Variants in SPON2 observed in about 807,000 individuals in gnomAD.
SPON2 encodes the protein spondin-2.
Under a neutral mutation model 29.9 loss-of-function variants are expected in SPON2, and 32 were observed. The ratio of observed to expected loss-of-function variants is 1.07; its 90% CI spans 0.81 to 1.44. The LOEUF is 1.44. Among genes scored for constraint, SPON2 ranks in the 40% most tolerant of loss-of-function variants. The pLI is 0.00. For synonymous variants in SPON2, 248 were observed against 209.1 expected, an observed-to-expected ratio of 1.19 and a Z score of -1.61; for missense variants, 541 against 455.5, an observed-to-expected ratio of 1.19 and a Z score of -1.71.
At chr4:1,199,663 C>G (rs1333283072), upstream of SPON2, 1 of 152,306 alleles carries the variant, frequency 6.6e-6, no homozygotes, top group Non-Finnish European at 1.5e-5. This position sits in a 1 kb window ranked among gnomAD's most constrained non-coding sequence, Gnocchi z 4.5. Flanking sequence ...GTGTGCTGCT[C>G]TGTCGCCACA....
chr4:1,189,554 T>C (rs988505756), intron 1 of SPON2, among the ~76,000 whole-genome samples: 1 of 137,926 alleles, frequency 7.3e-6, no homozygotes, highest in African/African-American at 2.7e-5. Context: ...CTGGGAGGCT[T>C]GAGCCCAGGA....
At position 1,167,178 on chromosome 4, in the gene SPON2, A is replaced by C. The variant is rs1364009150; in HGVS notation, c.*294T>G. 1 of 387,518 alleles carries C rather than the reference A, an allele frequency of 2.6e-6. No homozygotes were observed. The highest frequency in any genetic ancestry group is 4.5e-5 in the East Asian group (1 of 22,334). 24.0% of individuals were successfully genotyped at this position (387,518 alleles called of 1,614,324 possible). A position where few individuals can be genotyped will look rare whatever the true frequency, so the allele number is the denominator to read the frequency against. ...CAGCAATAACTTATAAGGAGACATA[A>C]TTTAGAGTAGCTGGAGCCTTGGGGA... On this transcript the variant is annotated 3_prime_UTR_variant, in exon 6 of 6. Coordinates refer to ENST00000290902, the MANE Select transcript of SPON2 (RefSeq NM_012445.4).
rs57891158 is a variant in SPON2, at chr4:1,168,044, AACAG to A, written c.812-392_812-389del. ...ACCCAGCTGCTACATTTACCCGAAT[AACAG>A]ACAGGGGCACCTGATTAGCTGTCTT... On this transcript the variant is annotated intron_variant, in intron 5 of 5. Coordinates refer to ENST00000290902, the MANE Select transcript of SPON2 (RefSeq NM_012445.4). 1,527 of 197,486 alleles carry A rather than the reference AACAG, an allele frequency of 7.7e-3. 22 individuals are homozygous for A. The highest frequency in any genetic ancestry group is 0.033 in the African/African-American group (1,428 of 43,344). 12.2% of individuals were successfully genotyped at this position (197,486 alleles called of 1,614,324 possible).
intron 1 of SPON2, among the ~76,000 whole-genome samples, chr4:1,207,473 A>T (rs556001904): frequency 1.3e-5 from 2 of 152,272 alleles, no homozygotes; most frequent in East Asian, 3.9e-4. Flanking sequence ...TAGCTGGTTT[A>T]AAAAAGAAAG....
At chr4:1,176,646 T>TTCACTAATTCAC (rs1727605603), upstream of SPON2, among the ~76,000 whole-genome samples, 1 of 152,144 alleles carries the variant, frequency 6.6e-6, no homozygotes, top group South Asian at 2.1e-4. Context: ...AGTACATTCA[T>TTCACTAATTCAC]TCACTAATTC....
At chr4:1,207,323 C>CCTGGCCCCGG (rs962015352) in intron 1 of SPON2, among the ~76,000 whole-genome samples, 31 of 152,246 alleles carry the variant, frequency 2.0e-4, no homozygotes, top group Admixed American at 9.8e-4. Context: ...TGTCCACAGC[C>CCTGGCCCCGG]CTGGCCCCGG....
intron 2 of SPON2, among the ~76,000 whole-genome samples, chr4:1,179,171 C>G (rs962548690): frequency 1.3e-5 from 2 of 151,384 alleles, no homozygotes; most frequent in African/African-American, 2.4e-5. Flanking sequence ...GAGTGGGGAC[C>G]TTGCCCGGCT....
At chr4:1,170,688 G>A in intron 4 of SPON2, 112 bp from the exon 5 acceptor site, 2 of 1,282,576 alleles carry the variant, frequency 1.6e-6, no homozygotes, top group Non-Finnish European at 2.2e-6. Context: ...CTGCACCACT[G>A]TTGGGGACAG....
chr4:1,178,397 G>A (rs1457774770), intron 2 of SPON2, among the ~76,000 whole-genome samples: 4 of 151,822 alleles, frequency 2.6e-5, no homozygotes, highest in Admixed American at 6.6e-5. Flanking sequence ...GGTTCTCCTG[G>A]CCCCCTCCCC....
intron 1 of SPON2, among the ~76,000 whole-genome samples, chr4:1,204,378 C>T (rs1039758359): frequency 3.9e-5 from 6 of 152,160 alleles, no homozygotes; most frequent in African/African-American, 1.2e-4. Context: ...GAATATTAGA[C>T]GGGCACTGAC....
intron 1 of SPON2, among the ~76,000 whole-genome samples, chr4:1,190,739 G>T (rs745675821): frequency 6.6e-6 from 1 of 152,166 alleles, no homozygotes; most frequent in Non-Finnish European, 1.5e-5. Flanking sequence ...AAAAACATTG[G>T]AGCTGAGAAA....
upstream of SPON2, among the ~76,000 whole-genome samples, chr4:1,197,983 G>C (rs562877468): frequency 4.4e-4 from 67 of 151,660 alleles, no homozygotes; most frequent in African/African-American, 1.5e-3. Context: ...GGGAGGTGGA[G>C]GCTGCAGTGA....
In SPON2 at chr4:1,171,842, C is replaced by T. The variant is rs1727462341; in HGVS notation, c.220+10G>A. On this transcript the variant is annotated intron_variant, in intron 2 of 5. Coordinates refer to ENST00000290902, the MANE Select transcript of SPON2 (RefSeq NM_012445.4). ...GGTGGAGCAGGAGGCGAGGAGGGGG[C>T]TGTACTTACCCAGCAGCGAAGACCA... 1 of 1,599,910 alleles carries T rather than the reference C, an allele frequency of 6.3e-7. No homozygotes were observed.
At chr4:1,170,742 G>A (rs1560201010) in intron 4 of SPON2, 166 bp from the exon 5 acceptor site, 1 of 1,041,126 alleles carries the variant, frequency 9.6e-7, no homozygotes, top group Admixed American at 2.0e-5. Flanking sequence ...ACACGGGCTG[G>A]AAACCGAGGC....
In SPON2 at chr4:1,170,466, C is replaced by T. The variant is rs375762203; in HGVS notation, c.747G>A (p.Arg249=). 2.5e-6 allele frequency: 4 copies of T among 1,614,000 alleles called. No homozygotes were observed. The African/African-American group carries it at 4.0e-5, about 16-fold the overall frequency. The part of the protein sequence containing the change: ...VTLVRLRQSP[R]AFIPPAPVLP... ...GGACTGGGGCGGGAGGGATGAAGGC[C>T]CTGGGGCTCTGTCGCAGCCGCACCA... Residue 249 remains arginine (R), a synonymous_variant, in exon 5 of 6, where the codon AGG becomes AGA. Coordinates refer to ENST00000290902, the MANE Select transcript of SPON2 (RefSeq NM_012445.4).
Position 1,183,250 on chromosome 4 carries a change from A to AC in SPON2, c.-238-3710_-238-3709insG, listed in dbSNP as rs572719762. On this transcript the variant is annotated intron_variant, in intron 1 of 3. Transcript: ENST00000502483. ...AGAGTGAAACTCCATCAAAAAAAAA[A>AC]AAAAACAAAAAAGAAAGAGAGAGAA... 3.9e-4 allele frequency among the ~76,000 whole-genome samples: 59 copies of AC among 151,190 alleles called. No individual in the cohort carries two copies. In the South Asian group the frequency reaches 5.4e-3, roughly 14 times the overall value.
At chr4:1,204,044 G>C (rs1462032600) in intron 1 of SPON2, among the ~76,000 whole-genome samples, 3 of 152,030 alleles carry the variant, frequency 2.0e-5, no homozygotes, top group Non-Finnish European at 2.9e-5. Flanking sequence ...GCTAATTGTT[G>C]TATTTTTAGT....
chr4:1,177,625 A>G (rs960068151), upstream of SPON2, among the ~76,000 whole-genome samples: 11 of 152,138 alleles, frequency 7.2e-5, no homozygotes, highest in African/African-American at 2.7e-4. Flanking sequence ...AGAACCCAAG[A>G]TCCCTTCAGG....
At position 1,170,388 on chromosome 4, in the gene SPON2, T is replaced by C. The variant is rs1727384759; in HGVS notation, c.811+14A>G. 4.4e-6 allele frequency: 7 copies of C among 1,608,964 alleles called. No homozygotes were observed. In the African/African-American group the frequency reaches 6.7e-5, roughly 15 times the overall value. On this transcript the variant is annotated intron_variant, in intron 5 of 5. Transcript: ENST00000290902. ...GGGCTGCTGTGTGTCCCATGTGACCTGTATGTCCGTTACCTGAGGCGCTGT... is the reference window on the plus strand; with the variant it reads ...GGGCTGCTGTGTGTCCCATGTGACCCGTATGTCCGTTACCTGAGGCGCTGT...
Sources: allele counts gnomAD v4.1 joint callset (sites outside exome capture counted in the v4.1 genomes callset), GRCh38; gene constraint gnomAD v4.1.1; non-coding constraint Gnocchi (gnomAD v3.1); transcripts MANE v1.5; gene names NCBI Gene and HGNC (gene_info 2026-07-23, HGNC 2026-07-21).